ACO1: variants seen among roughly 807,000 people sequenced by gnomAD.
ACO1 encodes aconitase 1, also known as cytoplasmic aconitate hydratase.
In ACO1, 78 loss-of-function variants were observed where a neutral mutation model predicts 105.1. The ratio of observed to expected loss-of-function variants is 0.74; its 90% CI spans 0.62 to 0.90. The LOEUF (loss-of-function observed/expected upper bound fraction) is 0.90. Among genes scored for constraint, ACO1 ranks in the 40% least tolerant of loss-of-function variants. The pLI is 0.00. For synonymous variants in ACO1, 364 were observed against 397.4 expected (o/e 0.92, Z 1.00); for missense variants, 965 against 1,111.1 (o/e 0.87, Z 1.87).
intron 4 of ACO1, among the ~76,000 whole-genome samples, chr9:32,413,754 ACTAATTAGCTTCACAC>A (rs1267910256): frequency 6.6e-6 from 1 of 152,178 alleles, no homozygotes; most frequent in Non-Finnish European, 1.5e-5. Flanking sequence ...TTTGAATAAT[ACTAATTAGCTTCACAC>A]CATCTTTAGA....
chr9:32,420,069 C>T (rs1031320034), intron 7 of ACO1, among the ~76,000 whole-genome samples: 2 of 152,234 alleles, frequency 1.3e-5, no homozygotes, highest in African/African-American at 4.8e-5. Context: ...ATGTGGAATA[C>T]TACAGGACTT....
chr9:32,434,505 G>T, intron 16 of ACO1, 54 bp from the exon 17 acceptor site: 1 of 1,608,982 alleles, frequency 6.2e-7, no homozygotes, highest in Non-Finnish European at 8.5e-7. Flanking sequence ...GACTGATCTG[G>T]TAACTTGTTT....
At chr9:32,394,894 G>A (rs936548758) in intron 1 of ACO1, among the ~76,000 whole-genome samples, 1 of 152,284 alleles carries the variant, frequency 6.6e-6, no homozygotes, top group Non-Finnish European at 1.5e-5. Flanking sequence ...TGGTGAGGTG[G>A]CTGGGTATAG....
rs147161520 is a variant in ACO1 at position 32,416,157 on chromosome 9, C to A, written c.405-1971C>A. 4.9e-3 allele frequency among the ~76,000 whole-genome samples: 734 copies of A among 149,948 alleles called. 6 individuals carry two copies. Among genetic ancestry groups the A allele is most frequent in the African/African-American group, 0.017 (692 of 40,636 alleles). On this transcript the variant is annotated intron_variant, in intron 4 of 20. Transcript: ENST00000309951. ...TCGCCCAAGTTGGAGTGCAGTGGCG[C>A]GATCTTGGCTCACTGCAACCTCCAC...
At chr9:32,399,958 C>CTTTTTTTTTTTTTTTTT (rs1821453533) in intron 1 of ACO1, among the ~76,000 whole-genome samples, 1 of 85,484 alleles carries the variant, frequency 1.2e-5, no homozygotes, top group Admixed American at 1.3e-4. Flanking sequence ...TTATTTTTTT[C>CTTTTTTTTTTTTTTTTT]TTTTTCTGTT....
At chr9:32,448,493 G>A (rs1285930166) in intron 19 of ACO1, among the ~76,000 whole-genome samples, 3 of 152,238 alleles carry the variant, frequency 2.0e-5, no homozygotes, top group African/African-American at 4.8e-5. Context: ...GCCAGGCACT[G>A]GAGGGAATCT....
chr9:32,416,749 T>A (rs1211707826), intron 4 of ACO1, among the ~76,000 whole-genome samples: 2 of 152,128 alleles, frequency 1.3e-5, no homozygotes, highest in Admixed American at 6.5e-5. Context: ...AAGCAGAGTA[T>A]CATGGTCAAG....
intron 17 of ACO1, among the ~76,000 whole-genome samples, chr9:32,435,586 G>A (rs973413049): frequency 3.9e-5 from 6 of 152,094 alleles, no homozygotes; most frequent in South Asian, 4.1e-4. Context: ...AACTGGTCAC[G>A]GTGTTAATTG....
intron 1 of ACO1, among the ~76,000 whole-genome samples, chr9:32,384,992 G>A (rs1343794637): frequency 6.6e-6 from 1 of 152,238 alleles, no homozygotes; most frequent in Non-Finnish European, 1.5e-5. Flanking sequence ...ACCCTTCTTA[G>A]CCTTGGCTGT....
chr9:32,438,066 A>G (rs1426659320), intron 18 of ACO1, among the ~76,000 whole-genome samples: 1 of 152,192 alleles, frequency 6.6e-6, no homozygotes, highest in African/African-American at 2.4e-5. Context: ...ATTTTAAAAC[A>G]CTCCAAGTTA....
At chr9:32,399,972 T>TTTTTTTTTTTTTTTTTTTTTG (rs1821458138) in intron 1 of ACO1, among the ~76,000 whole-genome samples, 1 of 125,082 alleles carries the variant, frequency 8.0e-6, no homozygotes, top group Non-Finnish European at 1.6e-5. Flanking sequence ...TTCTGTTTTT[T>TTTTTTTTTTTTTTTTTTTTTG]TTTTTTTTTT....
At chr9:32,396,363 T>C (rs1006022054) in intron 1 of ACO1, among the ~76,000 whole-genome samples, 6 of 152,188 alleles carry the variant, frequency 3.9e-5, no homozygotes, top group African/African-American at 1.2e-4. Flanking sequence ...TTTGATAAAC[T>C]ACAAACACCT....
At position 32,384,650 on chromosome 9, in the gene ACO1, C is replaced by CA. The variant is rs1563923945; in HGVS notation, c.-107dup. On this transcript the variant is annotated 5_prime_UTR_variant, in exon 1 of 21. Coordinates refer to ENST00000309951, the MANE Select transcript of ACO1 (RefSeq NM_002197.3). Reference sequence around the variant, plus strand: ...GAGAGGGGGCGGAGCGTGGAGGCGGCAGCTGGAACCGCGCAGCGCACGGGA... The same window carrying CA: ...GAGAGGGGGCGGAGCGTGGAGGCGGCAAGCTGGAACCGCGCAGCGCACGGGA... The CA allele has an allele frequency of 2.6e-6, 1 of 386,894 alleles. No homozygotes were observed. Among genetic ancestry groups the CA allele is most frequent in the South Asian group, 1.7e-5 (1 of 57,258 alleles). 24.0% of individuals were successfully genotyped at this position (386,894 alleles called of 1,614,324 possible).
At chr9:32,441,121 T>C (rs923092503) in intron 19 of ACO1, among the ~76,000 whole-genome samples, 1 of 152,208 alleles carries the variant, frequency 6.6e-6, no homozygotes, top group African/African-American at 2.4e-5. Context: ...ATAATTGCAC[T>C]TCACTGCCTA....
chr9:32,433,346 A>T (rs1284099124), intron 15 of ACO1, among the ~76,000 whole-genome samples: 2 of 152,058 alleles, frequency 1.3e-5, no homozygotes, highest in Non-Finnish European at 2.9e-5. Flanking sequence ...CAATCCTCCC[A>T]TCTCAGCCTC....
At position 32,434,690 on chromosome 9, in the gene ACO1, A is replaced by C; in HGVS notation, c.2088A>C (p.Leu696Phe). 6.2e-7 allele frequency: 1 copy of C among 1,614,096 alleles called. No individual in the cohort carries two copies. The highest frequency in any genetic ancestry group is 8.5e-7 in the Non-Finnish European group (1 of 1,179,964). Reference protein sequence around the residue: ...IARNSPAARYLTNRGLTPREF... With the variant: ...IARNSPAARYFTNRGLTPREF... ...GAAACAGTCCTGCTGCTCGCTACTT[A>C]ACTAACAGAGGGTAAGTATGAATGA... Residue 696 changes from leucine (L) to phenylalanine (F), a missense_variant, in exon 17 of 21, where the codon TTA becomes TTC. By Grantham distance (22) the Leu-to-Phe change is conservative (BLOSUM62 0). Transcript: ENST00000309951.
At chr9:32,424,071 T>C (rs1042541187) in intron 9 of ACO1, among the ~76,000 whole-genome samples, 3 of 152,160 alleles carry the variant, frequency 2.0e-5, no homozygotes, top group Admixed American at 1.3e-4. Context: ...CCATGTTTGG[T>C]TTCTTAATAC....
chr9:32,433,953 C>G, intron 16 of ACO1, 121 bp downstream of exon 16: 1 of 808,972 alleles, frequency 1.2e-6, no homozygotes, highest in East Asian at 2.7e-5. Context: ...TTTGCAAACC[C>G]AAGCAGATAC....
At chr9:32,396,875 TAGAA>T (rs936218970) in intron 1 of ACO1, among the ~76,000 whole-genome samples, 6 of 152,164 alleles carry the variant, frequency 3.9e-5, no homozygotes, top group Admixed American at 6.5e-5. Flanking sequence ...TTTTTCCACT[TAGAA>T]AGGACTTTTT....
Sources: gnomAD v4.1 joint callset for allele counts (sites outside exome capture counted in the v4.1 genomes callset) on GRCh38, gnomAD v4.1.1 for gene constraint, MANE v1.5 for transcripts, NCBI Gene and HGNC (gene_info 2026-07-23, HGNC 2026-07-21) for gene names.